The following SH2D3C variants were observed in gnomAD, a reference collection of about 807,000 sequenced individuals.
SH2D3C encodes the protein SH2 domain containing 3C.
A neutral mutation model predicts 75.2 loss-of-function variants in SH2D3C; 25 were observed. The observed-to-expected ratio is 0.33, with a 90% CI of 0.24 to 0.46. SH2D3C has a LOEUF of 0.46. Among genes scored for constraint, SH2D3C ranks in the 20% least tolerant of loss-of-function variants. The pLI is 1.00. For missense variants in SH2D3C, 933 were observed against 1,165.3 expected (o/e 0.80, Z 2.90); for synonymous variants, 450 against 473.7 (o/e 0.95, Z 0.65).
intron 2 of SH2D3C, among the ~76,000 whole-genome samples, chr9:127,764,095 G>T (rs925339394): frequency 6.6e-6 from 1 of 152,184 alleles, no homozygotes; most frequent in African/African-American, 2.4e-5. Context: ...TCAACCCAGC[G>T]CTTCCTCCTG....
intron 10 of SH2D3C, 134 bp downstream of exon 10, chr9:127,740,124 C>T (rs911710101): frequency 7.9e-5 from 64 of 808,120 alleles, no homozygotes; most frequent in Non-Finnish European, 1.2e-4. Context: ...GACACAGCTG[C>T]CAGCAGGAAC....
chr9:127,762,394 C>T (rs1161571398), intron 2 of SH2D3C: 4 of 1,105,262 alleles, frequency 3.6e-6, no homozygotes, highest in Admixed American at 4.6e-5. Flanking sequence ...CCAACTACCT[C>T]CTGGACGCCT....
intron 6 of SH2D3C, among the ~76,000 whole-genome samples, chr9:127,745,915 T>C (rs1464760352): frequency 1.3e-5 from 2 of 152,346 alleles, no homozygotes; most frequent in East Asian, 1.9e-4. Context: ...AAGCTCTTAG[T>C]GCCTGCAAGA....
At chr9:127,771,557 C>G (rs1246543970) in intron 2 of SH2D3C, 1 of 347,142 alleles carries the variant, frequency 2.9e-6, no homozygotes, top group Admixed American at 5.0e-5. Flanking sequence ...GCTCGCTTCC[C>G]CAGCAGCTCT....
chr9:127,762,557 G>A (rs1051879374), intron 2 of SH2D3C: 27 of 394,100 alleles, frequency 6.9e-5, no homozygotes, highest in South Asian at 3.9e-4. Flanking sequence ...TTTGTGCCCC[G>A]TCTTCCATTC....
chr9:127,757,568 G>A (rs961601348), intron 3 of SH2D3C, among the ~76,000 whole-genome samples: 10 of 150,782 alleles, frequency 6.6e-5, no homozygotes, highest in African/African-American at 9.7e-5. Context: ...GTAGCTCTGA[G>A]TAGCTGGGAT....
chr9:127,748,641 C>T (rs1300919453), intron 5 of SH2D3C, among the ~76,000 whole-genome samples: 3 of 152,362 alleles, frequency 2.0e-5, no homozygotes, highest in African/African-American at 7.2e-5. Context: ...TGGGCACATA[C>T]AGCACTTAAC....
intron 2 of SH2D3C, chr9:127,771,322 C>G (rs1026364014): frequency 2.8e-6 from 4 of 1,427,768 alleles, no homozygotes; most frequent in Admixed American, 3.1e-5. Context: ...AGCTCAGTGC[C>G]GGACTCCGGG....
In SH2D3C at chr9:127,747,252, G is replaced by A. The variant is rs61761895; in HGVS notation, c.1159C>T (p.Arg387Trp). 146 of 1,613,310 alleles carry A rather than the reference G, an allele frequency of 9.0e-5. No individual in the cohort carries two copies. In the African/African-American group the frequency reaches 9.1e-4, roughly 10 times the overall value. ...AGGGCACAGCTGCGGATGGAGTCCC[G>A]AGGGCGGGGCAGCGACGTACTGTGG... ...CPTSTSLPRPRDSIRSCALSM... is the reference protein window; with the variant it reads ...CPTSTSLPRPWDSIRSCALSM... The change falls in exon 6 of 12, where the codon CGG (arginine) becomes TGG (tryptophan). Residue 387 changes from arginine to tryptophan, a missense_variant. Transcript: ENST00000314830.
At chr9:127,771,598 G>A (rs1199533447) in intron 2 of SH2D3C, among the ~76,000 whole-genome samples, 2 of 152,028 alleles carry the variant, frequency 1.3e-5, no homozygotes, top group African/African-American at 4.8e-5. Context: ...CACGCCCCTA[G>A]ACACGCCCTC....
intron 2 of SH2D3C, chr9:127,771,215 G>A (rs34219208): frequency 0.012 from 17,894 of 1,545,996 alleles, 129 homozygotes; most frequent in Non-Finnish European, 0.014. Flanking sequence ...GGCACCTTCG[G>A]CCCACAGCAG....
chr9:127,767,770 C>G (rs1387262270), intron 2 of SH2D3C, among the ~76,000 whole-genome samples: 7 of 152,234 alleles, frequency 4.6e-5, no homozygotes, highest in Non-Finnish European at 7.3e-5. Flanking sequence ...CTCACAGTGA[C>G]TCTATGAAGC....
In SH2D3C at chr9:127,754,983, C is replaced by T; in HGVS notation, c.556-3683G>A. On this transcript the variant is annotated intron_variant, in intron 3 of 11. Coordinates refer to ENST00000314830, the MANE Select transcript of SH2D3C (RefSeq NM_170600.3). The surrounding 1 kb of genome is among the most constrained non-coding windows in gnomAD (Gnocchi z 4.4). ...CCCAGCCCGACCCTGCCGGGCGCCG[C>T]TGAGCTGCAGCTCCCCGGCTGGCTC... is the stretch of plus-strand genomic sequence containing the variant. 2 of 583,380 alleles carry T rather than the reference C, an allele frequency of 3.4e-6. No homozygotes were observed. The highest frequency in any genetic ancestry group is 6.1e-5 in the South Asian group (2 of 32,602). 36.1% of individuals were successfully genotyped at this position (583,380 alleles called of 1,614,324 possible).
chr9:127,762,469 GCCCCCTCCCCA>G (rs1337189675), intron 2 of SH2D3C: 2 of 507,148 alleles, frequency 3.9e-6, no homozygotes, highest in East Asian at 1.4e-4. Context: ...GCTCCTCCCT[GCCCCCTCCCCA>G]TCTTCCCCGT....
At chr9:127,761,717 C>T in intron 2 of SH2D3C, 67 bp from the exon 3 acceptor site, 1 of 1,390,936 alleles carries the variant, frequency 7.2e-7, no homozygotes, top group Non-Finnish European at 1.0e-6. Flanking sequence ...GGTCTCTTGC[C>T]TGCCTGCCTG....
rs547093550 is a variant in SH2D3C, at chr9:127,778,052, A to G, written c.37+539T>C. ...GCCCAGACTGGAGTGCAGTGGTGCA[A>G]TCTCTGCTCACTGCTATCTCCACCT... On this transcript the variant is annotated intron_variant, in intron 1 of 11. Coordinates refer to ENST00000314830, the MANE Select transcript of SH2D3C (RefSeq NM_170600.3). Among the ~76,000 whole-genome samples, 6 of 152,112 alleles carry G rather than the reference A, an allele frequency of 3.9e-5. No homozygotes were observed. The East Asian group carries it at 1.2e-3, about 29-fold the overall frequency.
chr9:127,764,541 A>G (rs895564302), intron 2 of SH2D3C, among the ~76,000 whole-genome samples: 6 of 152,068 alleles, frequency 3.9e-5, no homozygotes, highest in Non-Finnish European at 7.4e-5. Flanking sequence ...AGGTCCTGGA[A>G]ACAGCCTTGC....
intron 2 of SH2D3C, chr9:127,762,159 G>A (rs1845543770): frequency 1.7e-6 from 2 of 1,171,106 alleles, no homozygotes; most frequent in Non-Finnish European, 2.1e-6. Flanking sequence ...CCCAGTCACG[G>A]CCACTGCCCA....
intron 2 of SH2D3C, among the ~76,000 whole-genome samples, chr9:127,769,392 C>T (rs1281453004): frequency 6.6e-6 from 1 of 152,096 alleles, no homozygotes; most frequent in African/African-American, 2.4e-5. Flanking sequence ...CCTGTAATCC[C>T]AGCATTTTGG....
Sources: allele counts gnomAD v4.1 joint callset (sites outside exome capture counted in the v4.1 genomes callset), GRCh38; gene constraint gnomAD v4.1.1; non-coding constraint Gnocchi (gnomAD v3.1); transcripts MANE v1.5; gene names NCBI Gene and HGNC (gene_info 2026-07-23, HGNC 2026-07-21).